Variants in MAGI2 observed in about 807,000 individuals in gnomAD.
The protein encoded by MAGI2 is membrane associated guanylate kinase, WW and PDZ domain containing 2.
MAGI2 carries 35 observed loss-of-function variants against 133.3 expected under a neutral mutation model. The observed-to-expected ratio is 0.26, with a 90% CI of 0.20 to 0.35. The LOEUF is 0.35. MAGI2 is among the 10% of genes least tolerant of loss of function. MAGI2 has a pLI of 1.00. For missense variants in MAGI2, 1,636 were observed against 1,863.4 expected, an observed-to-expected ratio of 0.88 and a Z score of 2.25; for synonymous variants, 729 against 710.6, an observed-to-expected ratio of 1.03 and a Z score of -0.41.
At chr7:78,297,249 C>G (rs551468195) in intron 9 of MAGI2, among the ~76,000 whole-genome samples, 1 of 152,066 alleles carries the variant, frequency 6.6e-6, no homozygotes, top group Non-Finnish European at 1.5e-5. Flanking sequence ...CACTGGCCAT[C>G]AGAGAAATGC....
intron 9 of MAGI2, among the ~76,000 whole-genome samples, chr7:78,291,179 C>A (rs185216647): frequency 3.3e-5 from 5 of 151,722 alleles, no homozygotes; most frequent in African/African-American, 4.8e-5. Context: ...ACTGATAGAC[C>A]GCTAGCAAGA....
chr7:79,005,204 C>A (rs1202190106), intron 2 of MAGI2, among the ~76,000 whole-genome samples: 1 of 151,836 alleles, frequency 6.6e-6, no homozygotes, highest in African/African-American at 2.4e-5. Context: ...CACTTTTTTG[C>A]CAAGTTAAAA....
chr7:78,597,001 C>G (rs1268122288), intron 3 of MAGI2, among the ~76,000 whole-genome samples: 6 of 152,218 alleles, frequency 3.9e-5, no homozygotes, highest in African/African-American at 1.4e-4. Context: ...TGTGCACATA[C>G]CTCTCCCACG....
At chr7:79,071,616 G>T (rs1266143521) in intron 1 of MAGI2, among the ~76,000 whole-genome samples, 1 of 136,896 alleles carries the variant, frequency 7.3e-6, no homozygotes, top group Non-Finnish European at 1.6e-5. Context: ...CCCTGACTGG[G>T]CTTCCTGCAA....
chr7:78,511,978 C>T (rs1795629786), intron 4 of MAGI2, among the ~76,000 whole-genome samples: 1 of 151,536 alleles, frequency 6.6e-6, no homozygotes, highest in African/African-American at 2.4e-5. Context: ...AAAACATTAG[C>T]CGGGGGTGGT....
rs115909960 is a variant in MAGI2 at position 79,276,627 on chromosome 7, C to G, written c.301+176393G>C. Among the ~76,000 whole-genome samples the G allele has an allele frequency of 6.0e-3, 913 of 152,164 alleles. 9 individuals carry two copies. Among genetic ancestry groups the G allele is most frequent in the African/African-American group, 0.02 (846 of 41,498 alleles). ...AGTGGTTTCTTGAAATGGAATCTACCCCTGTGAAGTTACTGTGAATATTGT... is the reference window on the plus strand; with the variant it reads ...AGTGGTTTCTTGAAATGGAATCTACGCCTGTGAAGTTACTGTGAATATTGT... On this transcript the variant is annotated intron_variant, in intron 1 of 21. Coordinates refer to ENST00000354212, the MANE Select transcript of MAGI2 (RefSeq NM_012301.4).
In MAGI2 at chr7:78,761,067, A is replaced by G. The variant is rs77236089; in HGVS notation, c.419-133828T>C. Among the ~76,000 whole-genome samples the G allele has an allele frequency of 7.9e-3, 1,198 of 152,346 alleles. 8 individuals are homozygous for G. Among genetic ancestry groups the G allele is most frequent in the African/African-American group, 0.027 (1,132 of 41,578 alleles). On this transcript the variant is annotated intron_variant, in intron 2 of 21. Transcript: ENST00000354212. Reference sequence around the variant, plus strand: ...TCATCTTACAGAAGAGGAAAATGAGATGGAAAAACCTAAGGAAGCTGTCCA... The same window carrying G: ...TCATCTTACAGAAGAGGAAAATGAGGTGGAAAAACCTAAGGAAGCTGTCCA...
chr7:79,248,935 C>G (rs746209516), intron 1 of MAGI2, among the ~76,000 whole-genome samples: 8 of 152,058 alleles, frequency 5.3e-5, no homozygotes, highest in Non-Finnish European at 8.8e-5. Context: ...ACAATCTCGG[C>G]TCACTGCAAC....
intron 1 of MAGI2, among the ~76,000 whole-genome samples, chr7:79,384,528 A>G (rs1177789700): frequency 6.6e-6 from 1 of 151,652 alleles, no homozygotes; most frequent in Non-Finnish European, 1.5e-5. Context: ...GCAATTTGTT[A>G]TAAAATAGCT....
At position 79,330,476 on chromosome 7, in the gene MAGI2, T is replaced by C. The variant is rs552647078; in HGVS notation, c.301+122544A>G. Among the ~76,000 whole-genome samples the C allele has an allele frequency of 3.7e-4, 57 of 152,218 alleles. 1 individual carries two copies. The South Asian group carries it at 6.4e-3, about 17-fold the overall frequency. ...TCCGAAAATGCTGGGATTACAGGCA[T>C]GAGCCACTGCGCCCGGCCCAAATAA... On this transcript the variant is annotated intron_variant, in intron 1 of 21. Coordinates refer to ENST00000354212, the MANE Select transcript of MAGI2 (RefSeq NM_012301.4).
intron 1 of MAGI2, among the ~76,000 whole-genome samples, chr7:79,135,095 C>A (rs1263366004): frequency 6.6e-6 from 1 of 152,064 alleles, no homozygotes; most frequent in Admixed American, 6.6e-5. Flanking sequence ...GTCTAAAAGT[C>A]CACCATCACT....
At chr7:78,024,436 T>C (rs972226624) in intron 21 of MAGI2, among the ~76,000 whole-genome samples, 2 of 152,194 alleles carry the variant, frequency 1.3e-5, no homozygotes, top group African/African-American at 4.8e-5. Context: ...AGAAATCTTT[T>C]CCCCCAAACC....
chr7:79,104,804 T>G (rs1478426708), intron 1 of MAGI2, among the ~76,000 whole-genome samples: 1 of 152,138 alleles, frequency 6.6e-6, no homozygotes, highest in Non-Finnish European at 1.5e-5. Context: ...TTGGTGAGGT[T>G]CATTGCAATC....
At chr7:78,671,359 A>C (rs949151442) in intron 2 of MAGI2, among the ~76,000 whole-genome samples, 1 of 152,072 alleles carries the variant, frequency 6.6e-6, no homozygotes, top group Admixed American at 6.6e-5. Flanking sequence ...AGAAACAAGG[A>C]AAAATTTTAA....
chr7:79,061,118 A>T (rs1813686692), intron 1 of MAGI2, among the ~76,000 whole-genome samples: 1 of 152,082 alleles, frequency 6.6e-6, no homozygotes, highest in Admixed American at 6.6e-5. Flanking sequence ...ATGGAAGATT[A>T]TGCAAGTACT....
chr7:78,965,588 A>G (rs1237838689), intron 2 of MAGI2, among the ~76,000 whole-genome samples: 1 of 152,014 alleles, frequency 6.6e-6, no homozygotes, highest in Non-Finnish European at 1.5e-5. Flanking sequence ...CTAGGAAATC[A>G]GATTATTTTA....
intron 9 of MAGI2, among the ~76,000 whole-genome samples, chr7:78,314,309 T>G (rs1433146848): frequency 6.6e-6 from 1 of 152,182 alleles, no homozygotes; most frequent in African/African-American, 2.4e-5. Flanking sequence ...TGCTTTTTCA[T>G]GACTTCCAGT....
chr7:79,285,993 T>C (rs1254435088), intron 1 of MAGI2, among the ~76,000 whole-genome samples: 2 of 152,074 alleles, frequency 1.3e-5, no homozygotes, highest in Non-Finnish European at 2.9e-5. Flanking sequence ...TCTGACTTCA[T>C]GGGATCTACT....
chr7:78,875,747 G>C (rs966441134), intron 2 of MAGI2, among the ~76,000 whole-genome samples: 1 of 152,082 alleles, frequency 6.6e-6, no homozygotes, highest in Non-Finnish European at 1.5e-5. Flanking sequence ...CAAATGTAAA[G>C]TGCCTCCAAG....
Sources: gnomAD v4.1 joint callset for allele counts (sites outside exome capture counted in the v4.1 genomes callset) on GRCh38, gnomAD v4.1.1 for gene constraint, MANE v1.5 for transcripts, NCBI Gene and HGNC (gene_info 2026-07-23, HGNC 2026-07-21) for gene names.